CTBP2: variants seen among roughly 807,000 people sequenced by gnomAD.
CTBP2 encodes C-terminal-binding protein 2.
Under a neutral mutation model 80.3 loss-of-function variants are expected in CTBP2, and 30 were observed. The observed-to-expected ratio is 0.37, with a 90% CI of 0.28 to 0.51. The LOEUF is 0.51. Ranked by LOEUF, CTBP2 falls within the 20% of genes least tolerant of loss-of-function variation. The probability of loss-of-function intolerance (pLI) is 0.93; values close to 1 mark genes in which losing one functional copy is unlikely to be tolerated. For missense variants in CTBP2, 1,212 were observed against 1,375.3 expected, an observed-to-expected ratio of 0.88 and a Z score of 1.88; for synonymous variants, 594 against 587.4, an observed-to-expected ratio of 1.01 and a Z score of -0.16.
chr10:125,002,893 A>G, intron 3 of CTBP2, 67 bp downstream of exon 5: 11 of 1,581,456 alleles, frequency 7.0e-6, no homozygotes, highest in Non-Finnish European at 9.5e-6. Flanking sequence ...TGCTTCTCCA[A>G]GCCCACCCGA....
At chr10:125,050,619 G>A (rs1962499810) in intron 2 of CTBP2, among the ~76,000 whole-genome samples, 1 of 152,268 alleles carries the variant, frequency 6.6e-6, no homozygotes, top group Non-Finnish European at 1.5e-5. Context: ...AAGGAAGGGT[G>A]GGGGTGCGGC....
At position 125,156,521 on chromosome 10, in the gene CTBP2, C is replaced by A. The variant is rs563438974; in HGVS notation, c.-206+3798G>T. ...ATTCTGGTGCTAGATCTCAGCAGGGCTACTCCCTCACTCAGAGGTGTCCTT... is the reference window on the plus strand; with the variant it reads ...ATTCTGGTGCTAGATCTCAGCAGGGATACTCCCTCACTCAGAGGTGTCCTT... On this transcript the variant is annotated intron_variant, in intron 1 of 10. Transcript: ENST00000337195. Among the ~76,000 whole-genome samples the A allele has an allele frequency of 3.3e-5, 5 of 152,250 alleles. No homozygotes were observed. In the East Asian group the frequency reaches 9.6e-4, roughly 29 times the overall value.
rs1847043045 is a variant in CTBP2, at chr10:125,080,668, A to G, written c.-102+30322T>C. 2.0e-5 allele frequency among the ~76,000 whole-genome samples: 3 copies of G among 152,252 alleles called. No individual in the cohort carries two copies. In the South Asian group the frequency reaches 6.2e-4, roughly 31 times the overall value. On this transcript the variant is annotated intron_variant, in intron 2 of 10. Transcript: ENST00000337195. ...AGTCACGCAAGAAATCCATGCATACAGCAGCTGAAGTCATCAATTATTTAT... is the reference window on the plus strand; with the variant it reads ...AGTCACGCAAGAAATCCATGCATACGGCAGCTGAAGTCATCAATTATTTAT...
intron 2 of CTBP2, among the ~76,000 whole-genome samples, chr10:125,056,332 G>A (rs571005727): frequency 7.9e-5 from 12 of 152,318 alleles, no homozygotes; most frequent in African/African-American, 2.2e-4. Context: ...CCATTCTGCT[G>A]GGCTGGTTTG....
At position 125,026,943 on chromosome 10, in the gene CTBP2, A is replaced by C; in HGVS notation, c.817T>G (p.Tyr273Asp). 6.2e-7 allele frequency: 1 copy of C among 1,614,024 alleles called. No individual in the cohort carries two copies. The highest frequency in any genetic ancestry group is 1.3e-5 in the African/African-American group (1 of 75,052). Residue 273 changes from tyrosine (Y) to aspartate (D), a missense_variant, in exon 1 of 9, where the codon TAC becomes GAC. Tyr to Asp is a radical substitution (Grantham distance 160). Transcript: ENST00000309035. ...TGGAAGGTGGACAGGTCAGCTTCGT[A>C]AGTCTCGTAAGCCATCTTGGATGGG...
chr10:125,122,528 C>T (rs993849696), intron 1 of CTBP2: 7 of 152,232 alleles, frequency 4.6e-5, no homozygotes, highest in Non-Finnish European at 7.3e-5. Context: ...CTGCACCACA[C>T]GTATTATTAT....
rs1237309192 is a variant in CTBP2, at chr10:124,986,725, G to A, written c.*2793C>T. On this transcript the variant is annotated 3_prime_UTR_variant, in exon 9 of 9. Transcript: ENST00000309035. ...AAAATGTTAGCATTCTGACTACTTA[G>A]CATCTGTAGTAATTTCTCTATGTAT... 6.6e-6 allele frequency: 1 copy of A among 152,146 alleles called. No homozygotes were observed. The highest frequency in any genetic ancestry group is 1.5e-5 in the Non-Finnish European group (1 of 68,022). The allele number at this position is 152,146 out of a possible 1,614,324, so 9.4% of individuals were successfully genotyped here. A position where few individuals can be genotyped will look rare whatever the true frequency, so the allele number is the denominator to read the frequency against.
intron 2 of CTBP2, among the ~76,000 whole-genome samples, chr10:125,072,840 T>C (rs973335555): frequency 2.6e-5 from 4 of 152,074 alleles, no homozygotes; most frequent in African/African-American, 9.7e-5. Flanking sequence ...AAGTAAAAGC[T>C]AGTCTCAGAT....
intron 1 of CTBP2, among the ~76,000 whole-genome samples, chr10:125,118,753 T>A (rs958341625): frequency 2.9e-4 from 44 of 152,150 alleles, no homozygotes; most frequent in Admixed American, 2.6e-3. Context: ...ACGCTTAAAA[T>A]CAGCCTGGCT....
At chr10:125,002,670 G>GGCA (rs1206025248) in intron 3 of CTBP2, among the ~76,000 whole-genome samples, 2 of 152,182 alleles carry the variant, frequency 1.3e-5, no homozygotes, top group African/African-American at 4.8e-5. Context: ...CTCTGGAGGC[G>GGCA]GCACTGGGTG....
In CTBP2 at chr10:125,026,415, C is replaced by T. The variant is rs760979622; in HGVS notation, c.1345G>A (p.Ala449Thr). The T allele has an allele frequency of 2.5e-6, 4 of 1,606,580 alleles. No individual in the cohort carries two copies. The highest frequency in any genetic ancestry group is 3.4e-6 in the Non-Finnish European group (4 of 1,174,604). ...AGGGGGTACGTGGGGCTCAGACGCG[C>T]TGTCAGGGCGCAAGGGGTGGGAGAG... Residue 449 changes from alanine to threonine, a missense_variant, in exon 1 of 9, where the codon GCG becomes ACG. This residue lies in a region of CTBP2 where 848 missense variants were observed against 782.3 expected (regional missense o/e 1.08). Coordinates refer to ENST00000309035, the MANE Select transcript of CTBP2 (RefSeq NM_022802.3).
chr10:125,061,915 T>A (rs1965043535), intron 2 of CTBP2, among the ~76,000 whole-genome samples: 1 of 152,192 alleles, frequency 6.6e-6, no homozygotes, highest in Non-Finnish European at 1.5e-5. Flanking sequence ...GAACCAGGTA[T>A]GCTTTCCTCA....
At chr10:125,036,906 A>C (rs963952619) in intron 3 of CTBP2, among the ~76,000 whole-genome samples, 2 of 152,136 alleles carry the variant, frequency 1.3e-5, no homozygotes, top group Non-Finnish European at 2.9e-5. Flanking sequence ...AACAGGTGCC[A>C]CAAGGACTAA....
chr10:125,102,460 A>G (rs965646283), intron 2 of CTBP2, among the ~76,000 whole-genome samples: 1 of 152,204 alleles, frequency 6.6e-6, no homozygotes, highest in Non-Finnish European at 1.5e-5. Flanking sequence ...ACAGGCAGAG[A>G]GGGCTTTCCG....
intron 2 of CTBP2, among the ~76,000 whole-genome samples, chr10:125,061,144 C>T (rs1295605942): frequency 2.6e-5 from 4 of 152,228 alleles, no homozygotes; most frequent in Admixed American, 2.6e-4. Flanking sequence ...GCTGAGCATA[C>T]TATTTTCAAC....
At chr10:125,102,716 G>A (rs1436975989) in intron 2 of CTBP2, among the ~76,000 whole-genome samples, 2 of 152,216 alleles carry the variant, frequency 1.3e-5, no homozygotes, top group Non-Finnish European at 2.9e-5. Context: ...GACTGGGGCC[G>A]TCAGTTACAC....
At chr10:125,070,514 G>GC (rs1473601906) in intron 2 of CTBP2, among the ~76,000 whole-genome samples, 5 of 151,418 alleles carry the variant, frequency 3.3e-5, no homozygotes, top group African/African-American at 7.3e-5. Context: ...CTATGATGGG[G>GC]CCACTACATT....
intron 1 of CTBP2, among the ~76,000 whole-genome samples, chr10:125,136,739 G>A (rs1451292903): frequency 6.6e-6 from 1 of 152,194 alleles, no homozygotes; most frequent in Non-Finnish European, 1.5e-5. Context: ...AGGGGCCAAC[G>A]AACTTGAAGT....
intron 1 of CTBP2, among the ~76,000 whole-genome samples, chr10:125,118,463 G>A (rs966630467): frequency 6.6e-5 from 10 of 152,202 alleles, no homozygotes; most frequent in African/African-American, 2.4e-4. Context: ...TTTTGAAAGG[G>A]GGGAAGAAAA....
Sources: gnomAD v4.1 joint callset for allele counts (sites outside exome capture counted in the v4.1 genomes callset) on GRCh38, gnomAD v4.1.1 for gene constraint, gnomAD v4.1.1 regional missense constraint, MANE v1.5 for transcripts, NCBI Gene and HGNC (gene_info 2026-07-23, HGNC 2026-07-21) for gene names.